The following FBH1 variants were observed in gnomAD, a reference collection of about 807,000 sequenced individuals.
FBH1 encodes the protein DNA 3'-5' helicase 1.
In FBH1, 43 loss-of-function variants were observed where a neutral mutation model predicts 115.5. The observed-to-expected ratio is 0.37, with a 90% CI of 0.29 to 0.48. The LOEUF (loss-of-function observed/expected upper bound fraction) is 0.48. Among genes scored for constraint, FBH1 ranks in the 20% least tolerant of loss-of-function variants. The pLI, the probability that FBH1 is intolerant of heterozygous loss-of-function variation, is 0.99. For synonymous variants in FBH1, 524 were observed against 507.8 expected, an observed-to-expected ratio of 1.03 and a Z score of -0.43; for missense variants, 1,001 against 1,337.3, an observed-to-expected ratio of 0.75 and a Z score of 3.92.
In FBH1 at chr10:5,900,551, A is replaced by G. The variant is rs756427600; in HGVS notation, c.2-2469A>G. 5.3e-5 allele frequency among the ~76,000 whole-genome samples: 8 copies of G among 152,238 alleles called. No homozygotes were observed. The highest frequency in any genetic ancestry group is 1.0e-4 in the Non-Finnish European group (7 of 68,036). ...GGGGTTGCACCCAGCTTCTGAGTTCAGGTAGTTAGACGATTTCCAGCGTCC... is the reference window on the plus strand; with the variant it reads ...GGGGTTGCACCCAGCTTCTGAGTTCGGGTAGTTAGACGATTTCCAGCGTCC... On this transcript the variant is annotated intron_variant, in intron 1 of 20. Coordinates refer to ENST00000362091, the MANE Select transcript of FBH1 (RefSeq NM_178150.3). This position sits in a 1 kb window ranked among gnomAD's most constrained non-coding sequence, Gnocchi z 4.2.
At chr10:5,930,423 C>T (rs895153118) in intron 19 of FBH1, among the ~76,000 whole-genome samples, 6 of 152,230 alleles carry the variant, frequency 3.9e-5, no homozygotes, top group African/African-American at 1.4e-4. Context: ...CGTCCCCATT[C>T]TTGGTTTGCT....
chr10:5,904,161 G>C (rs1428106227), intron 2 of FBH1, among the ~76,000 whole-genome samples: 2 of 151,750 alleles, frequency 1.3e-5, no homozygotes, highest in African/African-American at 4.8e-5. Flanking sequence ...CTCCCAAGTA[G>C]CTGGGACTTA....
Position 5,915,588 on chromosome 10 carries a change from C to T in FBH1, c.1565+17C>T, listed in dbSNP as rs755449134. 6 of 1,611,930 alleles carry T rather than the reference C, an allele frequency of 3.7e-6. No homozygotes were observed. In the East Asian group the frequency reaches 1.3e-4, roughly 36 times the overall value. ...AGGGCGGAAGTGAGTACTGCTGTCACTAGTGGCACTGTTGCTGCTGGCACG... is the reference window on the plus strand; with the variant it reads ...AGGGCGGAAGTGAGTACTGCTGTCATTAGTGGCACTGTTGCTGCTGGCACG... On this transcript the variant is annotated intron_variant, in intron 9 of 20. Coordinates refer to ENST00000362091, the MANE Select transcript of FBH1 (RefSeq NM_178150.3). The surrounding 1 kb of genome is among the most constrained non-coding windows in gnomAD (Gnocchi z 5.2).
Position 5,924,540 on chromosome 10 carries a change from C to A in FBH1, c.2596+32C>A. On this transcript the variant is annotated intron_variant, in intron 17 of 20. Transcript: ENST00000362091. The surrounding 1 kb of genome is among the most constrained non-coding windows in gnomAD (Gnocchi z 6.2). ...GAAGCAGTTGGTTTTTACCTTCCCC[C>A]TAAGAGGAGGAACAGATGGTCTTCT... is the stretch of plus-strand genomic sequence containing the variant. 1 of 1,599,850 alleles carries A rather than the reference C, an allele frequency of 6.3e-7. No individual in the cohort carries two copies. Among genetic ancestry groups the A allele is most frequent in the East Asian group, 2.2e-5 (1 of 44,710 alleles).
At chr10:5,892,937 T>C (rs1172899165) in intron 1 of FBH1, among the ~76,000 whole-genome samples, 1 of 152,222 alleles carries the variant, frequency 6.6e-6, no homozygotes, top group Non-Finnish European at 1.5e-5. Context: ...AATCTCCATG[T>C]CTCTCCACCT....
chr10:5,925,169 C>T lies in FBH1; in HGVS notation c.2597-198C>T, dbSNP rs17404798. 0.014 allele frequency: 8,978 copies of T among 639,688 alleles called. 153 individuals carry two copies. Among genetic ancestry groups the T allele is most frequent in the South Asian group, 0.047 (2,269 of 48,256 alleles). The allele number at this position is 639,688 out of a possible 1,614,324, so 39.6% of individuals were successfully genotyped here. On this transcript the variant is annotated intron_variant, in intron 17 of 20. Transcript: ENST00000362091. The surrounding 1 kb of genome is among the most constrained non-coding windows in gnomAD (Gnocchi z 4.6). ...TCCTGCAACTAATTTTCGACTTTTC[C>T]CCTCGTCTTTTTCTTTTTTCTGTTC...
intron 1 of FBH1, 69 bp downstream of exon 1, chr10:5,890,415 G>T: frequency 2.8e-6 from 1 of 360,268 alleles, no homozygotes; most frequent in Non-Finnish European, 5.2e-6. Flanking sequence ...TTAACCTCCG[G>T]GGTCCTGCGC....
chr10:5,927,795 G>A (rs1387582101), intron 19 of FBH1, among the ~76,000 whole-genome samples: 1 of 152,142 alleles, frequency 6.6e-6, no homozygotes, highest in African/African-American at 2.4e-5. Flanking sequence ...CAGTGGGCCA[G>A]GCACAGTGGC....
rs1448910999 is a variant in FBH1, at chr10:5,906,962, CTTCTT to C, written c.753+333_753+337del. On this transcript the variant is annotated intron_variant, in intron 3 of 20. Coordinates refer to ENST00000362091, the MANE Select transcript of FBH1 (RefSeq NM_178150.3). This position sits in a 1 kb window ranked among gnomAD's most constrained non-coding sequence, Gnocchi z 7.3. ...GGAGGGTTCCTCATATCTCCCTTGA[CTTCTT>C]TTTTTTTTTTTTTGAGACAGAGTTT... Among the ~76,000 whole-genome samples, 1 of 150,810 alleles carries C rather than the reference CTTCTT, an allele frequency of 6.6e-6. No individual in the cohort carries two copies. Among genetic ancestry groups the C allele is most frequent in the East Asian group, 1.9e-4 (1 of 5,180 alleles).
intron 1 of FBH1, among the ~76,000 whole-genome samples, chr10:5,899,361 C>G (rs948606509): frequency 1.3e-5 from 2 of 152,268 alleles, no homozygotes; most frequent in Admixed American, 6.5e-5. Flanking sequence ...TCCATGAAAG[C>G]TTTTCTTCTC....
rs1832315369 is a variant in FBH1, at chr10:5,921,548, T to C, written c.2301T>C (p.Pro767=). 1.3e-6 allele frequency: 2 copies of C among 1,594,502 alleles called. No homozygotes were observed. The highest frequency in any genetic ancestry group is 1.4e-5 in the African/African-American group (1 of 73,508). ...EAVRVTEGEF[P]SRIHLIGGIK... The stretch of plus-strand genomic sequence containing the variant: ...TACGGGTGACGGAAGGGGAATTCCC[T>C]TCAAGGATACATTTGATTGGGGTAA... Residue 767 remains proline, a synonymous_variant, in exon 15 of 21, where the codon CCT becomes CCC. Transcript: ENST00000362091. The surrounding 1 kb of genome is among the most constrained non-coding windows in gnomAD (Gnocchi z 6.4).
In FBH1 at chr10:5,936,831, G is replaced by A. The variant is rs1408324018; in HGVS notation, c.2961+244G>A. ...GGCTGGGTTGTGATACACGCTTAGAGAGAGAGCTGTTCCCTGGGGTCCCAG... is the reference window on the plus strand; with the variant it reads ...GGCTGGGTTGTGATACACGCTTAGAAAGAGAGCTGTTCCCTGGGGTCCCAG... On this transcript the variant is annotated intron_variant, in intron 20 of 20. Transcript: ENST00000362091. The surrounding 1 kb of genome is among the most constrained non-coding windows in gnomAD (Gnocchi z 5.6). 4 of 614,024 alleles carry A rather than the reference G, an allele frequency of 6.5e-6. No individual in the cohort carries two copies. The highest frequency in any genetic ancestry group is 3.7e-5 in the African/African-American group (2 of 54,194). The allele number at this position is 614,024 out of a possible 1,614,324, so 38.0% of individuals were successfully genotyped here. A position where few individuals can be genotyped will look rare whatever the true frequency, so the allele number is the denominator to read the frequency against.
chr10:5,928,638 G>C (rs895595947), intron 19 of FBH1: 1 of 152,000 alleles, frequency 6.6e-6, no homozygotes, highest in African/African-American at 2.4e-5. Context: ...AAAGTGAGCT[G>C]GTCAGCACTC....
chr10:5,921,385 T>C lies in FBH1; in HGVS notation c.2200+28T>C. On this transcript the variant is annotated intron_variant, in intron 14 of 20. Coordinates refer to ENST00000362091, the MANE Select transcript of FBH1 (RefSeq NM_178150.3). This position sits in a 1 kb window ranked among gnomAD's most constrained non-coding sequence, Gnocchi z 6.4. ...AAGGCTTTTAGTTACTCTTCTCTTT[T>C]GTGTTACAAAAGTTTTCCTCTTTAT... 2 of 1,611,680 alleles carry C rather than the reference T, an allele frequency of 1.2e-6. No individual in the cohort carries two copies. The highest frequency in any genetic ancestry group is 1.7e-6 in the Non-Finnish European group (2 of 1,179,486).
Position 5,933,163 on chromosome 10 carries a change from G to A in FBH1, c.2830-3293G>A, listed in dbSNP as rs55778583. ...AGTACTTTGGGAGGCCTAGGAGGGC[G>A]GATCACTTGATGTCAGGAGTTCAAG... On this transcript the variant is annotated intron_variant, in intron 19 of 20. Transcript: ENST00000362091. The surrounding 1 kb of genome is among the most constrained non-coding windows in gnomAD (Gnocchi z 4.9). Among the ~76,000 whole-genome samples the A allele has an allele frequency of 2.0e-5, 3 of 152,090 alleles. No individual in the cohort carries two copies. Among genetic ancestry groups the A allele is most frequent in the Admixed American group, 1.3e-4 (2 of 15,276 alleles).
In FBH1 at chr10:5,895,964, C is replaced by G. The variant is rs1589044982; in HGVS notation, c.1+5618C>G. Among the ~76,000 whole-genome samples the G allele has an allele frequency of 6.6e-6, 1 of 152,138 alleles. No individual in the cohort carries two copies. Among genetic ancestry groups the G allele is most frequent in the South Asian group, 2.1e-4 (1 of 4,820 alleles). On this transcript the variant is annotated intron_variant, in intron 1 of 20. Transcript: ENST00000362091. The surrounding 1 kb of genome is among the most constrained non-coding windows in gnomAD (Gnocchi z 5.0). ...ATTCTTTGCAGCAAAACCTGAAACA[C>G]TCAGTTTCACTTTCTGTGACTTGTT... is the stretch of plus-strand genomic sequence containing the variant.
intron 1 of FBH1, among the ~76,000 whole-genome samples, chr10:5,893,596 C>T (rs1842854697): frequency 6.6e-6 from 1 of 152,230 alleles, no homozygotes; most frequent in South Asian, 2.1e-4. Context: ...ATGATTCTTT[C>T]AAGACTCAAC....
chr10:5,890,282 G>A lies in FBH1; in HGVS notation c.-64G>A. 3 of 372,216 alleles carry A rather than the reference G, an allele frequency of 8.1e-6. No individual in the cohort carries two copies. Among genetic ancestry groups the A allele is most frequent in the Middle Eastern group, 1.5e-3 (2 of 1,340 alleles). 23.1% of individuals were successfully genotyped at this position (372,216 alleles called of 1,614,324 possible). A position where few individuals can be genotyped will look rare whatever the true frequency, so the allele number is the denominator to read the frequency against. ...AGGAGCTCGCTGCCGGGGGACGCTG[G>A]GCTGAGCGGCCGGCGGCGCGGGCCC... On this transcript the variant is annotated 5_prime_UTR_variant, in exon 1 of 21. Coordinates refer to ENST00000362091, the MANE Select transcript of FBH1 (RefSeq NM_178150.3).
rs1208945709 is a variant in FBH1, at chr10:5,895,115, C to G, written c.1+4769C>G. 6.2e-7 allele frequency: 1 copy of G among 1,614,010 alleles called. No individual in the cohort carries two copies. The highest frequency in any genetic ancestry group is 1.7e-5 in the Admixed American group (1 of 60,000). On this transcript the variant is annotated intron_variant, in intron 1 of 20. Coordinates refer to ENST00000362091, the MANE Select transcript of FBH1 (RefSeq NM_178150.3). The surrounding 1 kb of genome is among the most constrained non-coding windows in gnomAD (Gnocchi z 5.0). ...TGATAATGGGCTACATTGCGCAGGGCCCCTGGGCCATCTCCACAGGAGATG... is the reference window on the plus strand; with the variant it reads ...TGATAATGGGCTACATTGCGCAGGGGCCCTGGGCCATCTCCACAGGAGATG...
Sources: allele counts gnomAD v4.1 joint callset (sites outside exome capture counted in the v4.1 genomes callset), GRCh38; gene constraint gnomAD v4.1.1; non-coding constraint Gnocchi (gnomAD v3.1); transcripts MANE v1.5; gene names NCBI Gene and HGNC (gene_info 2026-07-23, HGNC 2026-07-21).